The following CHST11 variants were observed in gnomAD, a reference collection of about 807,000 sequenced individuals.
The protein encoded by CHST11 is carbohydrate sulfotransferase 11, also known as C4S-1.
In CHST11, 9 loss-of-function variants were observed where a neutral mutation model predicts 30.4. That is an observed-to-expected ratio of 0.30 (90% CI 0.18 to 0.52). CHST11 has a LOEUF of 0.52. CHST11 is among the 20% of genes least tolerant of loss of function. CHST11 has a pLI of 0.97. For missense variants in CHST11, 348 were observed against 460.6 expected, an observed-to-expected ratio of 0.76 and a Z score of 2.24; for synonymous variants, 152 against 187.8, an observed-to-expected ratio of 0.81 and a Z score of 1.56.
chr12:104,620,163 C>A (rs1433752816), intron 2 of CHST11, among the ~76,000 whole-genome samples: 1 of 152,220 alleles, frequency 6.6e-6, no homozygotes, highest in Non-Finnish European at 1.5e-5. Context: ...TGTCACCACA[C>A]AGAATGGCTC....
At chr12:104,557,152 A>G (rs2038465290) in intron 1 of CHST11, among the ~76,000 whole-genome samples, 1 of 152,190 alleles carries the variant, frequency 6.6e-6, no homozygotes, top group African/African-American at 2.4e-5. Flanking sequence ...TAGGACCTGG[A>G]CATTTCTTTT....
chr12:104,659,464 A>C lies in CHST11; in HGVS notation c.204+57473A>C, dbSNP rs1236987146. On this transcript the variant is annotated intron_variant, in intron 2 of 2. Coordinates refer to ENST00000303694, the MANE Select transcript of CHST11 (RefSeq NM_018413.6). Reference sequence around the variant, plus strand: ...CCCACAGTGCAGAGCTGTGCTGCTCAGGGTGGTAGCCCTGAGCTCCAAATG... The same window carrying C: ...CCCACAGTGCAGAGCTGTGCTGCTCCGGGTGGTAGCCCTGAGCTCCAAATG... Among the ~76,000 whole-genome samples the C allele has an allele frequency of 4.6e-5, 7 of 152,274 alleles. No individual in the cohort carries two copies. In the East Asian group the frequency reaches 1.4e-3, roughly 29 times the overall value.
intron 2 of CHST11, among the ~76,000 whole-genome samples, chr12:104,715,872 C>T (rs2040126906): frequency 1.3e-5 from 2 of 152,190 alleles, no homozygotes; most frequent in Non-Finnish European, 2.9e-5. Flanking sequence ...GCCTTTCTCT[C>T]GTTGAGAGAG....
chr12:104,462,911 G>A (rs1006209673), intron 1 of CHST11, among the ~76,000 whole-genome samples: 1 of 152,148 alleles, frequency 6.6e-6, no homozygotes, highest in African/African-American at 2.4e-5. Flanking sequence ...GATCTCCTTT[G>A]ATTGTTACAG....
intron 1 of CHST11, among the ~76,000 whole-genome samples, chr12:104,518,817 C>G (rs927472728): frequency 6.6e-6 from 1 of 152,034 alleles, no homozygotes; most frequent in African/African-American, 2.4e-5. Context: ...TATCTGTGAT[C>G]CAATATTAAT....
At chr12:104,746,525 A>C (rs1359534709) in intron 2 of CHST11, among the ~76,000 whole-genome samples, 2 of 152,198 alleles carry the variant, frequency 1.3e-5, no homozygotes, top group African/African-American at 4.8e-5. Context: ...ACTATCACCC[A>C]GAGCCTCCTA....
At chr12:104,684,612 A>T (rs535612404) in intron 2 of CHST11, among the ~76,000 whole-genome samples, 1 of 152,308 alleles carries the variant, frequency 6.6e-6, no homozygotes, top group South Asian at 2.1e-4. Context: ...CAGTAGCGCG[A>T]TCTCAGCTGA....
chr12:104,610,821 G>A (rs1453995251), intron 2 of CHST11, among the ~76,000 whole-genome samples: 1 of 152,208 alleles, frequency 6.6e-6, no homozygotes, highest in African/African-American at 2.4e-5. Context: ...CTTCACACTA[G>A]TTACTCTGAG....
chr12:104,488,453 A>G lies in CHST11; in HGVS notation c.118+30924A>G, dbSNP rs892100543. On this transcript the variant is annotated intron_variant, in intron 1 of 2. Transcript: ENST00000303694. Reference sequence around the variant, plus strand: ...TGTGTATGCATGTATGTATGTGTGTATATGCATGTATGTGTGTATGCATGT... The same window carrying G: ...TGTGTATGCATGTATGTATGTGTGTGTATGCATGTATGTGTGTATGCATGT... 4.9e-5 allele frequency among the ~76,000 whole-genome samples: 7 copies of G among 143,108 alleles called. No individual in the cohort carries two copies. In the South Asian group the frequency reaches 8.9e-4, roughly 18 times the overall value. 93.9% of individuals were successfully genotyped at this position (143,108 alleles called of 152,430 possible).
chr12:104,483,067 A>G (rs1233661295), intron 1 of CHST11, among the ~76,000 whole-genome samples: 3 of 152,046 alleles, frequency 2.0e-5, no homozygotes, highest in Admixed American at 6.5e-5. Context: ...ATTGATACCC[A>G]CATGCCTCCT....
At chr12:104,629,717 G>A (rs2039253730) in intron 2 of CHST11, among the ~76,000 whole-genome samples, 1 of 152,200 alleles carries the variant, frequency 6.6e-6, no homozygotes, top group Admixed American at 6.5e-5. Context: ...AGCTACTCAG[G>A]AGGCTGAGGC....
intron 1 of CHST11, among the ~76,000 whole-genome samples, chr12:104,513,738 T>C (rs2037992898): frequency 6.6e-6 from 1 of 152,238 alleles, no homozygotes; most frequent in South Asian, 2.1e-4. Flanking sequence ...CAATGCTCGA[T>C]TCACTGGAAT....
intron 1 of CHST11, among the ~76,000 whole-genome samples, chr12:104,509,547 T>C (rs2037941980): frequency 6.6e-6 from 1 of 152,212 alleles, no homozygotes; most frequent in Non-Finnish European, 1.5e-5. Context: ...ATTTGGCATA[T>C]AATAGATGCT....
chr12:104,562,473 G>A (rs1205787999), intron 1 of CHST11, among the ~76,000 whole-genome samples: 2 of 152,166 alleles, frequency 1.3e-5, no homozygotes, highest in East Asian at 3.8e-4. Flanking sequence ...CTTTGCTTGA[G>A]CCTTCCAGAA....
chr12:104,646,677 G>A (rs994095631), intron 2 of CHST11, among the ~76,000 whole-genome samples: 2 of 152,140 alleles, frequency 1.3e-5, no homozygotes, highest in Non-Finnish European at 2.9e-5. Flanking sequence ...CCAACCTGGC[G>A]ACAGAGCAAG....
intron 1 of CHST11, among the ~76,000 whole-genome samples, chr12:104,568,579 TG>T (rs887446817): frequency 1.3e-5 from 2 of 152,216 alleles, no homozygotes; most frequent in African/African-American, 4.8e-5. Flanking sequence ...AATGTGATCA[TG>T]GGAGCTGCTG....
intron 2 of CHST11, among the ~76,000 whole-genome samples, chr12:104,695,115 G>A (rs997090559): frequency 3.3e-5 from 5 of 152,218 alleles, no homozygotes; most frequent in African/African-American, 1.2e-4. Context: ...GCAGGAACAC[G>A]TGTGGCCTTT....
intron 1 of CHST11, among the ~76,000 whole-genome samples, chr12:104,508,330 G>T (rs2141858): frequency 6.6e-6 from 1 of 152,126 alleles, no homozygotes; most frequent in Non-Finnish European, 1.5e-5. Flanking sequence ...GGCTTCAGGT[G>T]CTTCCTCTGT....
intron 2 of CHST11, among the ~76,000 whole-genome samples, chr12:104,610,462 C>T (rs1176385940): frequency 6.6e-6 from 1 of 152,184 alleles, no homozygotes; most frequent in Non-Finnish European, 1.5e-5. Context: ...CATATTTAAA[C>T]TGGAGAAGGG....
Sources: gnomAD v4.1 joint callset for allele counts (sites outside exome capture counted in the v4.1 genomes callset) on GRCh38, gnomAD v4.1.1 for gene constraint, MANE v1.5 for transcripts, NCBI Gene and HGNC (gene_info 2026-07-23, HGNC 2026-07-21) for gene names.